Variants in DOK6 observed in about 807,000 individuals in gnomAD.
The protein encoded by DOK6 is downstream of tyrosine kinase 6.
A neutral mutation model predicts 44.0 loss-of-function variants in DOK6; 22 were observed. That is an observed-to-expected ratio of 0.50 (90% CI 0.36 to 0.71). DOK6 has a LOEUF of 0.71. Ranked by LOEUF, DOK6 falls within the 30% of genes least tolerant of loss-of-function variation. The probability of loss-of-function intolerance (pLI) is 0.00; values close to 1 mark genes in which losing one functional copy is unlikely to be tolerated. For missense variants in DOK6, 340 were observed against 416.4 expected, an observed-to-expected ratio of 0.82 and a Z score of 1.60; for synonymous variants, 166 against 145.5, an observed-to-expected ratio of 1.14 and a Z score of -1.01.
intron 1 of DOK6, among the ~76,000 whole-genome samples, chr18:69,545,912 T>A (rs1982391483): frequency 6.6e-6 from 1 of 151,402 alleles, no homozygotes; most frequent in South Asian, 2.1e-4. Flanking sequence ...TTTTAAAAAG[T>A]GTTGGTCCTA....
At chr18:69,584,363 T>G (rs965895372) in intron 2 of DOK6, among the ~76,000 whole-genome samples, 1 of 151,842 alleles carries the variant, frequency 6.6e-6, no homozygotes, top group Non-Finnish European at 1.5e-5. Flanking sequence ...CTCCACCCAC[T>G]GCAACCTCCA....
At chr18:69,741,834 AAG>A (rs1244201483) in intron 6 of DOK6, among the ~76,000 whole-genome samples, 2 of 152,166 alleles carry the variant, frequency 1.3e-5, no homozygotes, top group East Asian at 1.9e-4. Flanking sequence ...ACAAGTATGA[AAG>A]AGTGTTTAAA....
intron 2 of DOK6, among the ~76,000 whole-genome samples, chr18:69,566,754 T>C (rs1000221729): frequency 1.3e-5 from 2 of 152,352 alleles, no homozygotes; most frequent in East Asian, 1.9e-4. Flanking sequence ...TATTTATAGA[T>C]TGCTGAAGAA....
chr18:69,460,614 C>T (rs912171101), intron 1 of DOK6, among the ~76,000 whole-genome samples: 1 of 152,124 alleles, frequency 6.6e-6, no homozygotes, highest in Non-Finnish European at 1.5e-5. Flanking sequence ...TTCATGAACA[C>T]TGAAGAAATT....
intron 1 of DOK6, among the ~76,000 whole-genome samples, chr18:69,528,836 T>C (rs1981908194): frequency 6.6e-6 from 1 of 152,216 alleles, no homozygotes; most frequent in Non-Finnish European, 1.5e-5. Flanking sequence ...CTTATGTTTT[T>C]ACTGAGTCTC....
In DOK6 at chr18:69,830,935, AT is replaced by A. The variant is rs1046053585; in HGVS notation, c.857-10301del. Among the ~76,000 whole-genome samples the A allele has an allele frequency of 5.3e-5, 8 of 151,876 alleles. No homozygotes were observed. In the South Asian group the frequency reaches 8.3e-4, roughly 16 times the overall value. On this transcript the variant is annotated intron_variant, in intron 7 of 7. Coordinates refer to ENST00000382713, the MANE Select transcript of DOK6 (RefSeq NM_152721.6). ...TTAAATACCTCTGAGCTTCTAATTTATTTTTTTTCCACATGTAAAATGAAGA... is the reference window on the plus strand; with the variant it reads ...TTAAATACCTCTGAGCTTCTAATTTATTTTTTTCCACATGTAAAATGAAGA...
At chr18:69,505,958 T>C (rs1349961776) in intron 1 of DOK6, among the ~76,000 whole-genome samples, 3 of 152,088 alleles carry the variant, frequency 2.0e-5, no homozygotes, top group Non-Finnish European at 4.4e-5. Context: ...GCTTTTTTTT[T>C]CTCACATTAA....
intron 3 of DOK6, 80 bp from the exon 4 acceptor site, chr18:69,677,654 G>A: frequency 6.3e-7 from 1 of 1,599,656 alleles, no homozygotes; most frequent in East Asian, 2.3e-5. Context: ...CAGTTACCTG[G>A]GAAAACAGTT....
At chr18:69,789,778 T>TA (rs1332743923) in intron 7 of DOK6, among the ~76,000 whole-genome samples, 1 of 152,210 alleles carries the variant, frequency 6.6e-6, no homozygotes, top group Admixed American at 6.5e-5. Context: ...AGATACCAGC[T>TA]AGAACTATTT....
At chr18:69,617,590 C>T (rs60399724) in intron 3 of DOK6, among the ~76,000 whole-genome samples, 49,332 of 138,556 alleles carry the variant, frequency 0.36, 8,850 homozygotes, top group Middle Eastern at 0.54. Context: ...GAGAGAGAGA[C>T]AGAAAAGACT....
chr18:69,464,027 C>G (rs1979860574), intron 1 of DOK6, among the ~76,000 whole-genome samples: 1 of 152,086 alleles, frequency 6.6e-6, no homozygotes, highest in Admixed American at 6.6e-5. Flanking sequence ...GCATTCTGAA[C>G]TCTACACCTG....
At chr18:69,530,485 C>T (rs1346071711) in intron 1 of DOK6, among the ~76,000 whole-genome samples, 1 of 151,672 alleles carries the variant, frequency 6.6e-6, no homozygotes, top group African/African-American at 2.4e-5. Flanking sequence ...AGTGATTCAC[C>T]AAAGGTTGGA....
chr18:69,678,125 T>G (rs1985966745), intron 4 of DOK6, among the ~76,000 whole-genome samples: 1 of 152,120 alleles, frequency 6.6e-6, no homozygotes, highest in South Asian at 2.1e-4. Context: ...GGCCCGCACC[T>G]GTAGTCCCAG....
intron 1 of DOK6, among the ~76,000 whole-genome samples, chr18:69,457,982 A>C (rs1425945066): frequency 1.3e-5 from 2 of 152,160 alleles, no homozygotes; most frequent in South Asian, 2.1e-4. Flanking sequence ...GTCTCTACTA[A>C]AAATACAAGA....
At chr18:69,812,272 C>T (rs1227126689) in intron 7 of DOK6, among the ~76,000 whole-genome samples, 1 of 152,084 alleles carries the variant, frequency 6.6e-6, no homozygotes, top group Non-Finnish European at 1.5e-5. Flanking sequence ...AATTCAATTG[C>T]AAGATACTTT....
intron 1 of DOK6, among the ~76,000 whole-genome samples, chr18:69,474,710 C>T (rs1980213763): frequency 1.3e-5 from 2 of 152,152 alleles, no homozygotes; most frequent in East Asian, 1.9e-4. Context: ...TATAGGATAA[C>T]TAAAATAGTT....
chr18:69,401,355 C>T (rs755095040), intron 1 of DOK6, 45 bp downstream of exon 1: 10 of 1,436,466 alleles, frequency 7.0e-6, no homozygotes, highest in Non-Finnish European at 9.2e-7. Context: ...GCTCGTTCGG[C>T]CCGGCTGGCT....
intron 5 of DOK6, among the ~76,000 whole-genome samples, chr18:69,715,915 C>T (rs1280964686): frequency 6.6e-6 from 1 of 152,162 alleles, no homozygotes; most frequent in East Asian, 1.9e-4. Flanking sequence ...AGGTTGCATT[C>T]ATTATATCAC....
chr18:69,603,631 T>C (rs60560802), intron 3 of DOK6, among the ~76,000 whole-genome samples: 301 of 149,266 alleles, frequency 2.0e-3, no homozygotes, highest in East Asian at 0.011. Context: ...ATTAGCCGGG[T>C]GTGGTGGCGG....
Sources: gnomAD v4.1 joint callset for allele counts (sites outside exome capture counted in the v4.1 genomes callset) on GRCh38, gnomAD v4.1.1 for gene constraint, MANE v1.5 for transcripts, NCBI Gene and HGNC (gene_info 2026-07-23, HGNC 2026-07-21) for gene names.